The following NRXN3 variants were observed in gnomAD, a reference collection of about 807,000 sequenced individuals.
NRXN3 encodes neurexin III.
Under a neutral mutation model 137.6 loss-of-function variants are expected in NRXN3, and 32 were observed. That is an observed-to-expected ratio of 0.23 (90% CI 0.18 to 0.31). NRXN3 has a LOEUF of 0.31. Ranked by LOEUF, NRXN3 falls within the 10% of genes least tolerant of loss-of-function variation. The pLI, the probability that NRXN3 is intolerant of heterozygous loss-of-function variation, is 1.00. For missense variants in NRXN3, 1,574 were observed against 2,062.5 expected, an observed-to-expected ratio of 0.76 and a Z score of 4.59; for synonymous variants, 798 against 784.5, an observed-to-expected ratio of 1.02 and a Z score of -0.29.
chr14:78,423,457 A>G (rs2093537549), intron 4 of NRXN3, among the ~76,000 whole-genome samples: 1 of 152,108 alleles, frequency 6.6e-6, no homozygotes. Flanking sequence ...CCGGTACATT[A>G]TTTTGGAAAT....
intron 1 of NRXN3, among the ~76,000 whole-genome samples, chr14:78,176,946 T>C (rs2059327534): frequency 6.6e-6 from 1 of 152,072 alleles, no homozygotes; most frequent in South Asian, 2.1e-4. Flanking sequence ...ACTGGTGGGC[T>C]ATATTCCAGC....
intron 20 of NRXN3, among the ~76,000 whole-genome samples, chr14:79,821,474 A>AC (rs1187477399): frequency 6.6e-6 from 1 of 152,084 alleles, no homozygotes; most frequent in African/African-American, 2.4e-5. Flanking sequence ...AAATAAAGAG[A>AC]CCCCATGAAG....
Position 78,426,579 on chromosome 14 carries a change from T to G in NRXN3, c.757+128719T>G, listed in dbSNP as rs200385646. ...TAACCCTGGGTGTTTTTTATGGCAG[T>G]CTTGATGAAGAGTGAAAAGGCATGG... On this transcript the variant is annotated intron_variant, in intron 4 of 20. Coordinates refer to ENST00000335750, the MANE Select transcript of NRXN3 (RefSeq NM_001330195.2). 6.3e-3 allele frequency among the ~76,000 whole-genome samples: 953 copies of G among 152,210 alleles called. 29 individuals carry two copies. In the East Asian group the frequency reaches 0.067, roughly 11 times the overall value.
At chr14:78,946,781 G>A (rs546848625) in intron 10 of NRXN3, among the ~76,000 whole-genome samples, 11 of 152,184 alleles carry the variant, frequency 7.2e-5, no homozygotes, top group African/African-American at 2.6e-4. Context: ...CAACATAGTC[G>A]GTTTTGCATG....
chr14:79,200,587 C>T (rs777434941), intron 15 of NRXN3, among the ~76,000 whole-genome samples: 50 of 152,052 alleles, frequency 3.3e-4, no homozygotes, highest in Non-Finnish European at 6.2e-4. Context: ...TCACTTTGTC[C>T]GTAGAAACAC....
intron 4 of NRXN3, among the ~76,000 whole-genome samples, chr14:78,538,539 T>C (rs992118604): frequency 3.3e-5 from 5 of 152,232 alleles, no homozygotes; most frequent in Non-Finnish European, 5.9e-5. Flanking sequence ...TTTCTAAATA[T>C]GCAATCATGT....
intron 4 of NRXN3, among the ~76,000 whole-genome samples, chr14:78,521,040 G>T (rs1162254307): frequency 6.6e-6 from 1 of 152,168 alleles, no homozygotes; most frequent in African/African-American, 2.4e-5. Context: ...AAGCTGGAGA[G>T]AACAAAAGTT....
intron 16 of NRXN3, among the ~76,000 whole-genome samples, chr14:79,571,653 C>T (rs545270365): frequency 1.0e-3 from 157 of 152,218 alleles, no homozygotes; most frequent in African/African-American, 3.7e-3. Context: ...AAGCAATTGG[C>T]ATTGTTAGTT....
chr14:79,058,407 C>T (rs2099668866), intron 15 of NRXN3, among the ~76,000 whole-genome samples: 1 of 151,998 alleles, frequency 6.6e-6, no homozygotes, highest in South Asian at 2.1e-4. Flanking sequence ...GAGAAATAGA[C>T]AATGGAACAC....
chr14:78,420,306 G>A (rs2093386731), intron 4 of NRXN3, among the ~76,000 whole-genome samples: 1 of 152,108 alleles, frequency 6.6e-6, no homozygotes, highest in South Asian at 2.1e-4. Context: ...TCTTTATACA[G>A]GAAAGGTAGT....
chr14:79,298,299 G>C (rs988713872), intron 15 of NRXN3, among the ~76,000 whole-genome samples: 1 of 152,060 alleles, frequency 6.6e-6, no homozygotes, highest in Admixed American at 6.6e-5. Context: ...AGACAAGTCA[G>C]AAGCACCCAC....
chr14:79,759,871 C>T (rs1269565847), intron 19 of NRXN3, among the ~76,000 whole-genome samples: 3 of 151,576 alleles, frequency 2.0e-5, no homozygotes, highest in Non-Finnish European at 4.4e-5. Flanking sequence ...ATCTATATGA[C>T]ATTTGAATGG....
intron 15 of NRXN3, among the ~76,000 whole-genome samples, chr14:79,376,352 T>A (rs991066061): frequency 6.6e-5 from 10 of 150,744 alleles, no homozygotes; most frequent in Non-Finnish European, 1.5e-4. Flanking sequence ...ATATATCATG[T>A]GAATATCAAA....
In NRXN3 at chr14:78,181,642, T is replaced by TA. The variant is rs149816631; in HGVS notation, c.-704+10978dup. 3.8e-3 allele frequency among the ~76,000 whole-genome samples: 564 copies of TA among 150,258 alleles called. 27 individuals carry two copies. In the East Asian group the frequency reaches 0.094, roughly 25 times the overall value. On this transcript the variant is annotated intron_variant, in intron 1 of 20. Coordinates refer to ENST00000335750, the MANE Select transcript of NRXN3 (RefSeq NM_001330195.2). ...AATTCGGCAGACTGCCTTCTCAGTT[T>TA]AAAAAAAAAATCAGAGTAAATCTCC...
intron 8 of NRXN3, among the ~76,000 whole-genome samples, chr14:78,729,299 T>C (rs2098503014): frequency 6.6e-6 from 1 of 152,210 alleles, no homozygotes; most frequent in African/African-American, 2.4e-5. Context: ...TCTATTATTC[T>C]TTGCCATTCA....
At chr14:78,947,206 G>T (rs888974068) in intron 10 of NRXN3, among the ~76,000 whole-genome samples, 1 of 152,162 alleles carries the variant, frequency 6.6e-6, no homozygotes. Context: ...TCCACAGTGG[G>T]TGATCAGCTA....
At chr14:79,295,159 C>A (rs1022855210) in intron 15 of NRXN3, among the ~76,000 whole-genome samples, 2 of 152,114 alleles carry the variant, frequency 1.3e-5, no homozygotes, top group Admixed American at 6.6e-5. Context: ...CCTTGGCCTT[C>A]ATCTTTTTCT....
chr14:78,922,295 C>T (rs1230826831), intron 10 of NRXN3, among the ~76,000 whole-genome samples: 2 of 152,172 alleles, frequency 1.3e-5, no homozygotes, highest in Admixed American at 1.3e-4. Context: ...ATGCTCCAGT[C>T]TGTGGTTCAA....
chr14:79,697,103 A>G (rs1423735773), intron 18 of NRXN3, among the ~76,000 whole-genome samples: 2 of 152,006 alleles, frequency 1.3e-5, no homozygotes, highest in Non-Finnish European at 2.9e-5. Flanking sequence ...TTTTACAAGT[A>G]TGCAATGAAT....
Sources: gnomAD v4.1 joint callset for allele counts (sites outside exome capture counted in the v4.1 genomes callset) on GRCh38, gnomAD v4.1.1 for gene constraint, MANE v1.5 for transcripts, NCBI Gene and HGNC (gene_info 2026-07-23, HGNC 2026-07-21) for gene names.